PUM2: variants seen among roughly 807,000 people sequenced by gnomAD.
PUM2 encodes pumilio RNA binding family member 2, also known as pumilio homolog 2.
PUM2 carries 57 observed loss-of-function variants against 124.5 expected under a neutral mutation model. The observed-to-expected ratio is 0.46, with a 90% CI of 0.37 to 0.57. PUM2 has a LOEUF of 0.57. Among genes scored for constraint, PUM2 ranks in the 20% least tolerant of loss-of-function variants. The probability of loss-of-function intolerance (pLI) is 0.00; values close to 1 mark genes in which losing one functional copy is unlikely to be tolerated. For synonymous variants in PUM2, 460 were observed against 446.1 expected, an observed-to-expected ratio of 1.03 and a Z score of -0.39; for missense variants, 1,065 against 1,290.6, an observed-to-expected ratio of 0.83 and a Z score of 2.68.
rs376809339 is a variant in PUM2, at chr2:20,347,400, C to T, written c.-19+3197G>A. On this transcript the variant is annotated intron_variant, in intron 1 of 20. Transcript: ENST00000361078. ...AGTCACTAAGGAAAAAAAACACTAACATGTCTCTAAACATAATGCTACATG... is the reference window on the plus strand; with the variant it reads ...AGTCACTAAGGAAAAAAAACACTAATATGTCTCTAAACATAATGCTACATG... Among the ~76,000 whole-genome samples the T allele has an allele frequency of 3.2e-4, 49 of 152,238 alleles. No individual in the cohort carries two copies. The South Asian group carries it at 9.9e-3, about 31-fold the overall frequency.
intron 7 of PUM2, among the ~76,000 whole-genome samples, chr2:20,301,510 C>G (rs1365440219): frequency 1.3e-5 from 2 of 152,162 alleles, no homozygotes; most frequent in Admixed American, 1.3e-4. Flanking sequence ...ATTTTGTACT[C>G]TAATCTATAA....
intron 7 of PUM2, among the ~76,000 whole-genome samples, chr2:20,300,403 C>T (rs1210112914): frequency 1.3e-5 from 2 of 152,214 alleles, no homozygotes; most frequent in Non-Finnish European, 2.9e-5. Flanking sequence ...CCCGCCTTGG[C>T]CTCCCAAAGT....
chr2:20,289,501 C>T (rs1171636287), intron 10 of PUM2, among the ~76,000 whole-genome samples: 1 of 152,098 alleles, frequency 6.6e-6, no homozygotes, highest in Non-Finnish European at 1.5e-5. Flanking sequence ...CACAATGACT[C>T]CATGACAGTA....
intron 10 of PUM2, 58 bp downstream of exon 10, chr2:20,290,594 G>GT (rs1239745453): frequency 1.3e-6 from 2 of 1,513,426 alleles, no homozygotes; most frequent in Admixed American, 4.4e-5. Flanking sequence ...TTCAGTGTGA[G>GT]TACCTACACT....
chr2:20,307,331 T>C (rs13390701), intron 7 of PUM2, among the ~76,000 whole-genome samples: 4,296 of 152,318 alleles, frequency 0.028, 62 homozygotes, highest in Middle Eastern at 0.048. Flanking sequence ...GACTCTGATG[T>C]TGACAGTCTT....
intron 10 of PUM2, among the ~76,000 whole-genome samples, chr2:20,290,281 A>G (rs957800161): frequency 1.3e-5 from 2 of 152,220 alleles, no homozygotes; most frequent in African/African-American, 4.8e-5. Context: ...CTATTAACTA[A>G]AAGATTATTC....
At chr2:20,258,513 A>G in intron 15 of PUM2, 142 bp from the exon 16 acceptor site, 1 of 683,364 alleles carries the variant, frequency 1.5e-6, no homozygotes, top group Non-Finnish European at 2.2e-6. Context: ...ATTAAGATAG[A>G]CTGGGAAATG....
upstream of PUM2, among the ~76,000 whole-genome samples, chr2:20,351,357 A>G (rs1689321780): frequency 1.3e-5 from 2 of 152,108 alleles, no homozygotes; most frequent in African/African-American, 4.8e-5. Flanking sequence ...GACGAGGGAG[A>G]TGCATCTGGG....
In PUM2 at chr2:20,249,489, T is replaced by C. The variant is rs552320591; in HGVS notation, c.*2096A>G. ...AACGGTGACAAGTGTTTGGATTTAA[T>C]GGTCTCACCAAGGAATGTTGGGTTA... On this transcript the variant is annotated 3_prime_UTR_variant, in exon 21 of 21. Coordinates refer to ENST00000361078, the MANE Select transcript of PUM2 (RefSeq NM_015317.5). 2.0e-5 allele frequency: 3 copies of C among 152,764 alleles called. No individual in the cohort carries two copies. In the South Asian group the frequency reaches 6.2e-4, roughly 32 times the overall value. The allele number at this position is 152,764 out of a possible 1,614,324, so 9.5% of individuals were successfully genotyped here. A position where few individuals can be genotyped will look rare whatever the true frequency, so the allele number is the denominator to read the frequency against.
At chr2:20,332,279 T>C (rs1313514234) in intron 1 of PUM2, among the ~76,000 whole-genome samples, 1 of 125,760 alleles carries the variant, frequency 8.0e-6, no homozygotes, top group Non-Finnish European at 1.7e-5. Flanking sequence ...CTTATACTAC[T>C]AGAGTGTGTG....
chr2:20,282,461 A>ACACATATG (rs1401593666), intron 12 of PUM2, among the ~76,000 whole-genome samples: 1 of 152,224 alleles, frequency 6.6e-6, no homozygotes, highest in Non-Finnish European at 1.5e-5. Flanking sequence ...ATTTATACAT[A>ACACATATG]CACATATGTA....
At chr2:20,279,709 T>C (rs1157314783) in intron 12 of PUM2, among the ~76,000 whole-genome samples, 1 of 152,196 alleles carries the variant, frequency 6.6e-6, no homozygotes, top group East Asian at 1.9e-4. Context: ...ATAAAGGTCA[T>C]GTAGGCCCTG....
At chr2:20,322,946 A>G (rs931313146) in intron 2 of PUM2, among the ~76,000 whole-genome samples, 8 of 152,200 alleles carry the variant, frequency 5.3e-5, no homozygotes, top group Non-Finnish European at 1.0e-4. Context: ...AGATATTAAC[A>G]CTTTCATTTT....
chr2:20,324,560 G>A (rs970529400), intron 2 of PUM2, among the ~76,000 whole-genome samples: 1 of 152,200 alleles, frequency 6.6e-6, no homozygotes, highest in Non-Finnish European at 1.5e-5. Context: ...ATAGGTATGA[G>A]CCTATGCAGT....
At chr2:20,318,055 A>G (rs1681424491) in intron 3 of PUM2, among the ~76,000 whole-genome samples, 1 of 152,148 alleles carries the variant, frequency 6.6e-6, no homozygotes, top group Non-Finnish European at 1.5e-5. Context: ...TATACCCAAT[A>G]ATGGGATTGC....
chr2:20,272,892 A>G (rs1330606782), intron 13 of PUM2, among the ~76,000 whole-genome samples: 1 of 152,220 alleles, frequency 6.6e-6, no homozygotes, highest in Non-Finnish European at 1.5e-5. Context: ...ATTCCTAGAT[A>G]TATCACAACA....
In PUM2 at chr2:20,308,591, A is replaced by G. The variant is rs908470413; in HGVS notation, c.519-7T>C. The G allele has an allele frequency of 6.3e-7, 1 of 1,585,024 alleles. No homozygotes were observed. On this transcript the variant is annotated splice_region_variant and splice_polypyrimidine_tract_variant and intron_variant, in intron 5 of 20. Transcript: ENST00000361078. ...ACGACTTCCAGGAGTACGACTACAT[A>G]AAGAAAATAGAAAAGCATTATGAAT...
intron 2 of PUM2, among the ~76,000 whole-genome samples, chr2:20,321,471 ACT>A (rs1395672669): frequency 6.6e-6 from 1 of 151,966 alleles, no homozygotes; most frequent in Non-Finnish European, 1.5e-5. Context: ...TGAAATTAAC[ACT>A]CTACCAAAGG....
chr2:20,320,868 A>T (rs1682156830), intron 2 of PUM2, among the ~76,000 whole-genome samples: 1 of 152,224 alleles, frequency 6.6e-6, no homozygotes, highest in African/African-American at 2.4e-5. Flanking sequence ...TCCCTTAAAA[A>T]TACTGTATAA....
Sources: allele counts gnomAD v4.1 joint callset (sites outside exome capture counted in the v4.1 genomes callset), GRCh38; gene constraint gnomAD v4.1.1; transcripts MANE v1.5; gene names NCBI Gene and HGNC (gene_info 2026-07-23, HGNC 2026-07-21).